Variants in DDX5 observed in about 807,000 individuals in gnomAD.
DDX5 encodes the protein probable ATP-dependent RNA helicase DDX5.
DDX5 carries 6 observed loss-of-function variants against 68.6 expected under a neutral mutation model. That is an observed-to-expected ratio of 0.09 (90% CI 0.05 to 0.17). DDX5 has a LOEUF of 0.17. Among genes scored for constraint, DDX5 ranks in the 10% least tolerant of loss-of-function variants. The probability of loss-of-function intolerance (pLI) is 1.00; values close to 1 mark genes in which losing one functional copy is unlikely to be tolerated. For synonymous variants in DDX5, 350 were observed against 247.0 expected, an observed-to-expected ratio of 1.42 and a Z score of -3.91; for missense variants, 499 against 756.1, an observed-to-expected ratio of 0.66 and a Z score of 3.99.
rs578215202 is a variant in DDX5 at position 64,498,979 on chromosome 17, G to C, written c.*944C>G. 3.3e-5 allele frequency among the ~76,000 whole-genome samples: 5 copies of C among 152,266 alleles called. No homozygotes were observed. Among genetic ancestry groups the C allele is most frequent in the South Asian group, 4.1e-4 (2 of 4,820 alleles). ...AGTTTGAGGATCTCTAGAATTCCCT[G>C]AATTATTGGAAAGACATTCATGACT... On this transcript the variant is annotated 3_prime_UTR_variant, in exon 13 of 13. Transcript: ENST00000225792.
In DDX5 at chr17:64,498,796, TTAAACC is replaced by T. The variant is rs1728713835; in HGVS notation, c.*1121_*1126del. Reference sequence around the variant, plus strand: ...AGAAAGTTACGTTGGTGAGCCGAAGTTAAACCTAAAGCTATCCCCTGGATCTTTCTA... The same window carrying T: ...AGAAAGTTACGTTGGTGAGCCGAAGTTAAAGCTATCCCCTGGATCTTTCTA... On this transcript the variant is annotated 3_prime_UTR_variant, in exon 13 of 13. Coordinates refer to ENST00000225792, the MANE Select transcript of DDX5 (RefSeq NM_004396.5). Among the ~76,000 whole-genome samples the T allele has an allele frequency of 6.6e-6, 1 of 152,204 alleles. No homozygotes were observed. The highest frequency in any genetic ancestry group is 2.1e-4 in the South Asian group (1 of 4,838).
chr17:64,500,859 A>T (rs1555670966), intron 11 of DDX5, 86 bp from the exon 12 acceptor site: 1 of 969,254 alleles, frequency 1.0e-6, no homozygotes, highest in Non-Finnish European at 1.6e-6. Flanking sequence ...AAGTTAGACA[A>T]TTGTATTCCC....
At chr17:64,504,954 G>A (rs2038396068) in intron 1 of DDX5, 112 bp from the exon 2 acceptor site, 4 of 969,658 alleles carry the variant, frequency 4.1e-6, no homozygotes, top group Admixed American at 5.7e-5. Flanking sequence ...GACTTCGAGA[G>A]GTAAACCTAG....
chr17:64,502,897 G>A (rs782599952), intron 8 of DDX5, 29 bp downstream of exon 8: 18 of 1,536,774 alleles, frequency 1.2e-5, no homozygotes, highest in Middle Eastern at 1.8e-4. Context: ...TTGTTAGGAA[G>A]CAAATATAAC....
rs1304007706 is a variant in DDX5 at position 64,506,232 on chromosome 17, G to A, written c.-113C>T. The A allele has an allele frequency of 2.6e-5, 41 of 1,551,646 alleles. No individual in the cohort carries two copies. The Admixed American group carries it at 3.3e-4, about 13-fold the overall frequency. On this transcript the variant is annotated 5_prime_UTR_variant, in exon 1 of 13. Coordinates refer to ENST00000225792, the MANE Select transcript of DDX5 (RefSeq NM_004396.5). ...CTTGCGGGGGCGGCAGCGGAGGAAG[G>A]ACACCGATGACACCAGCCGAAGCTG...
chr17:64,506,179 C>G lies in DDX5; in HGVS notation c.-60G>C. The G allele has an allele frequency of 6.3e-7, 1 of 1,589,518 alleles. No individual in the cohort carries two copies. The stretch of plus-strand genomic sequence containing the variant: ...ATATAGAAAAGCGTGCGACAAGTCG[C>G]TGGAAATGGCCTCGATGACGGCGAA... On this transcript the variant is annotated 5_prime_UTR_variant, in exon 1 of 13. Coordinates refer to ENST00000225792, the MANE Select transcript of DDX5 (RefSeq NM_004396.5).
At chr17:64,502,705 G>T in intron 8 of DDX5, 156 bp from the exon 9 acceptor site, 1 of 714,476 alleles carries the variant, frequency 1.4e-6, no homozygotes, top group Non-Finnish European at 2.3e-6. Context: ...TTCGACCCTT[G>T]GTCCTTAAGT....
At position 64,504,228 on chromosome 17, in the gene DDX5, A is replaced by T; in HGVS notation, c.301T>A (p.Phe101Ile). The T allele has an allele frequency of 6.2e-7, 1 of 1,614,108 alleles. No homozygotes were observed. The highest frequency in any genetic ancestry group is 8.5e-7 in the Non-Finnish European group (1 of 1,179,932). ...ACTGAAAAGTAGCACTTACCAGGGA[A>T]ATTGGCTTCATAAAAATTTAGAACT... ...KPVLNFYEAN[F>I]PANVMDVIAR... Residue 101 changes from phenylalanine to isoleucine, a missense_variant, in exon 3 of 13, where the codon TTC becomes ATC. Coordinates refer to ENST00000225792, the MANE Select transcript of DDX5 (RefSeq NM_004396.5).
At chr17:64,505,729 C>T in intron 1 of DDX5, 1 of 1,536,096 alleles carries the variant, frequency 6.5e-7, no homozygotes, top group Non-Finnish European at 8.7e-7. Context: ...CCAAAAACAC[C>T]TCCCGAAACG....
chr17:64,505,498 CT>C (rs1398972190), intron 1 of DDX5: 89 of 585,828 alleles, frequency 1.5e-4, no homozygotes, highest in African/African-American at 1.4e-3. Flanking sequence ...TGGGGCGGCG[CT>C]TCCCCCTTTG....
In DDX5 at chr17:64,503,363, G is replaced by C. The variant is rs369491253; in HGVS notation, c.650-15C>G. Reference sequence around the variant, plus strand: ...GATTTCCACACCTTTAATTAAATACGTAAGTGTAACTACAATACCTAGGAT... The same window carrying C: ...GATTTCCACACCTTTAATTAAATACCTAAGTGTAACTACAATACCTAGGAT... On this transcript the variant is annotated splice_polypyrimidine_tract_variant and intron_variant, in intron 6 of 12. Transcript: ENST00000225792. 57 of 1,613,984 alleles carry C rather than the reference G, an allele frequency of 3.5e-5. No homozygotes were observed. The African/African-American group carries it at 5.6e-4, about 16-fold the overall frequency.
intron 8 of DDX5, 139 bp from the exon 9 acceptor site, chr17:64,502,688 C>T (rs922543187): frequency 2.0e-5 from 15 of 732,210 alleles, no homozygotes; most frequent in Admixed American, 1.1e-4. Context: ...ATCCACTTAT[C>T]GAGCAGTTCG....
chr17:64,505,848 C>A, intron 1 of DDX5: 1 of 1,536,110 alleles, frequency 6.5e-7, no homozygotes, highest in South Asian at 1.2e-5. Flanking sequence ...GCCGCCCCGA[C>A]AGCTCCCCAA....
At chr17:64,500,999 C>T (rs964996563) in intron 11 of DDX5, 9 of 570,228 alleles carry the variant, frequency 1.6e-5, no homozygotes, top group Middle Eastern at 4.6e-4. Context: ...AGTGACAGAC[C>T]CTGTCAAAAG....
In DDX5 at chr17:64,500,608, C is replaced by T. The variant is rs559742081; in HGVS notation, c.1382G>A (p.Arg461His). The change falls in exon 12 of 13, where the codon CGT (arginine) becomes CAT (histidine). Residue 461 changes from arginine (R) to histidine (H), a missense_variant. By Grantham distance (29) the Arg-to-His change is conservative (BLOSUM62 0). Coordinates refer to ENST00000225792, the MANE Select transcript of DDX5 (RefSeq NM_004396.5). The stretch of plus-strand genomic sequence containing the variant: ...GGGATTAATTGCTTGATTAGCTTCA[C>T]GAAGCACAGAGATAAGGTCGCTCAC... ...KQVSDLISVL[R>H]EANQAINPKL... 1.7e-5 allele frequency: 28 copies of T among 1,614,164 alleles called. No individual in the cohort carries two copies. The highest frequency in any genetic ancestry group is 2.2e-5 in the East Asian group (1 of 44,884).
rs2038344133 is a variant in DDX5 at position 64,503,324 on chromosome 17, G to A, written c.674C>T (p.Pro225Leu). The A allele has an allele frequency of 6.2e-7, 1 of 1,614,018 alleles. No individual in the cohort carries two copies. Among genetic ancestry groups the A allele is most frequent in the Admixed American group, 1.7e-5 (1 of 60,002 alleles). The change falls in exon 7 of 13, where the codon CCT (proline) becomes CTT (leucine). Residue 225 changes from proline to leucine, a missense_variant. By Grantham distance (98) the Pro-to-Leu change is moderately conservative. Transcript: ENST00000225792. Reference sequence around the variant, plus strand: ...CTCTAAAAAGTCAATCAGTCTTCCAGGTGTTGCAATACAGATTTCCACACC... The same window carrying A: ...CTCTAAAAAGTCAATCAGTCTTCCAAGTGTTGCAATACAGATTTCCACACC... ...ERGVEICIAT[P>L]GRLIDFLECG...
chr17:64,499,515 G>C lies in DDX5; in HGVS notation c.*408C>G, dbSNP rs1231029343. 18 of 203,870 alleles carry C rather than the reference G, an allele frequency of 8.8e-5. No individual in the cohort carries two copies. The highest frequency in any genetic ancestry group is 4.2e-4 in the African/African-American group (15 of 36,092). 12.6% of individuals were successfully genotyped at this position (203,870 alleles called of 1,614,324 possible). On this transcript the variant is annotated 3_prime_UTR_variant, in exon 13 of 13. Transcript: ENST00000225792. Reference sequence around the variant, plus strand: ...ATTAAATAAAAAGGAACAGTCATTTGTTTTCATGGAAAAAAAAAACCAAAC... The same window carrying C: ...ATTAAATAAAAAGGAACAGTCATTTCTTTTCATGGAAAAAAAAAACCAAAC...
intron 1 of DDX5, 57 bp downstream of exon 1, chr17:64,506,019 G>GGGGCC: frequency 9.6e-6 from 13 of 1,360,398 alleles, no homozygotes; most frequent in South Asian, 1.3e-5. Flanking sequence ...CCGCCACCCT[G>GGGGCC]ACCCGCCCTC....
chr17:64,500,685 A>G lies in DDX5; in HGVS notation c.1305T>C (p.Ser435=). Reference sequence around the variant, plus strand: ...AAGTGTATGCTGTGCCTGTTTTGGTACTGCGAGCAGTTCTTCCAATTCGAT... The same window carrying G: ...AAGTGTATGCTGTGCCTGTTTTGGTGCTGCGAGCAGTTCTTCCAATTCGAT... ...YIHRIGRTAR[S]TKTGTAYTFF... is the part of the protein sequence containing the mutation. The change falls in exon 12 of 13, where the codon AGT becomes AGC. Residue 435 remains serine (S), a synonymous_variant. Transcript: ENST00000225792. 6.2e-7 allele frequency: 1 copy of G among 1,614,186 alleles called. No individual in the cohort carries two copies. The highest frequency in any genetic ancestry group is 8.5e-7 in the Non-Finnish European group (1 of 1,180,018).
Sources: allele counts gnomAD v4.1 joint callset (sites outside exome capture counted in the v4.1 genomes callset), GRCh38; gene constraint gnomAD v4.1.1; transcripts MANE v1.5; gene names NCBI Gene and HGNC (gene_info 2026-07-23, HGNC 2026-07-21).